Variants in LPAR6 observed in about 807,000 individuals in gnomAD.
LPAR6 encodes the protein lysophosphatidic acid receptor 6.
A neutral mutation model predicts 22.0 loss-of-function variants in LPAR6; 17 were observed. The observed-to-expected ratio is 0.77, with a 90% CI of 0.53 to 1.16. LPAR6 has a LOEUF of 1.16. Ranked by LOEUF, LPAR6 falls within the 50% of genes most tolerant of loss-of-function variation. The pLI is 0.00. For synonymous variants in LPAR6, 136 were observed against 139.8 expected, an observed-to-expected ratio of 0.97 and a Z score of 0.19; for missense variants, 384 against 406.9, an observed-to-expected ratio of 0.94 and a Z score of 0.48.
chr13:48,393,459 A>T (rs1172995154), intron 1 of LPAR6, among the ~76,000 whole-genome samples: 2 of 152,072 alleles, frequency 1.3e-5, no homozygotes, highest in Non-Finnish European at 1.5e-5. Context: ...TCTCCCAGGG[A>T]TTGCTGTTCT....
At chr13:48,405,441 A>G (rs1441049133) in intron 1 of LPAR6, among the ~76,000 whole-genome samples, 1 of 152,176 alleles carries the variant, frequency 6.6e-6, no homozygotes, top group Non-Finnish European at 1.5e-5. Flanking sequence ...AAAATAAATG[A>G]AGTTCTAGGG....
chr13:48,402,517 A>G (rs911320762), intron 1 of LPAR6, among the ~76,000 whole-genome samples: 1 of 151,828 alleles, frequency 6.6e-6, no homozygotes, highest in African/African-American at 2.4e-5. Context: ...AGATGTGACT[A>G]CAGGTGTGAG....
chr13:48,436,949 C>CAGTTAAG (rs1299769067), intron 1 of LPAR6, among the ~76,000 whole-genome samples: 2 of 152,170 alleles, frequency 1.3e-5, no homozygotes, highest in Non-Finnish European at 2.9e-5. Flanking sequence ...TCTACTAGCA[C>CAGTTAAG]TACTGACTTG....
At chr13:48,393,853 T>C (rs2138164975) in intron 1 of LPAR6, among the ~76,000 whole-genome samples, 1 of 152,332 alleles carries the variant, frequency 6.6e-6, no homozygotes, top group Non-Finnish European at 1.5e-5. Context: ...TTGGATTCTG[T>C]CATACTCTTT....
intron 1 of LPAR6, among the ~76,000 whole-genome samples, chr13:48,397,197 A>G (rs893381746): frequency 6.6e-6 from 1 of 152,246 alleles, no homozygotes; most frequent in African/African-American, 2.4e-5. Flanking sequence ...ATGCACACAT[A>G]TGTTTATTGC....
At chr13:48,429,540 A>G (rs1282464561), upstream of LPAR6, 2 of 152,212 alleles carry the variant, frequency 1.3e-5, no homozygotes, top group South Asian at 2.1e-4. Flanking sequence ...AGTGAAAATC[A>G]TAAACCCACA....
chr13:48,404,107 C>T (rs1047241031), intron 1 of LPAR6: 1 of 152,142 alleles, frequency 6.6e-6, no homozygotes, highest in African/African-American at 2.4e-5. Flanking sequence ...AGGCTGAAGC[C>T]CCATGCTGTT....
intron 1 of LPAR6, among the ~76,000 whole-genome samples, chr13:48,400,406 G>A (rs1315195761): frequency 6.6e-6 from 1 of 152,162 alleles, no homozygotes; most frequent in Non-Finnish European, 1.5e-5. Context: ...TGGTTCCAGA[G>A]ACTATACTTT....
intron 1 of LPAR6, among the ~76,000 whole-genome samples, chr13:48,443,863 C>G (rs994930627): frequency 6.6e-6 from 1 of 152,108 alleles, no homozygotes; most frequent in Non-Finnish European, 1.5e-5. Context: ...TGATGACATG[C>G]TATTGCTGAA....
At chr13:48,405,617 C>T (rs1566208223) in intron 1 of LPAR6, among the ~76,000 whole-genome samples, 1 of 152,130 alleles carries the variant, frequency 6.6e-6, no homozygotes, top group Non-Finnish European at 1.5e-5. Flanking sequence ...AAGTTGCAGC[C>T]AGAAAGTAGA....
intron 1 of LPAR6, among the ~76,000 whole-genome samples, chr13:48,392,141 C>T (rs902087499): frequency 1.3e-5 from 2 of 151,822 alleles, no homozygotes; most frequent in South Asian, 2.1e-4. Flanking sequence ...GATGAAGCCT[C>T]GCTCTTTTGC....
At chr13:48,428,973 C>T (rs1267852134), upstream of LPAR6, among the ~76,000 whole-genome samples, 1 of 152,208 alleles carries the variant, frequency 6.6e-6, no homozygotes, top group African/African-American at 2.4e-5. Context: ...TCTCAGGATG[C>T]TCCTGGAAGC....
chr13:48,425,880 A>G (rs1949072294), intron 1 of LPAR6, among the ~76,000 whole-genome samples: 1 of 152,238 alleles, frequency 6.6e-6, no homozygotes. Context: ...ACAGACCAAG[A>G]AACTAAAATT....
At chr13:48,408,956 A>G (rs1948764051), downstream of LPAR6, among the ~76,000 whole-genome samples, 1 of 152,140 alleles carries the variant, frequency 6.6e-6, no homozygotes. Context: ...CCCCCAGATC[A>G]GTAGATTGGT....
At chr13:48,443,778 C>A (rs1055641349) in intron 1 of LPAR6, among the ~76,000 whole-genome samples, 1 of 152,112 alleles carries the variant, frequency 6.6e-6, no homozygotes, top group Non-Finnish European at 1.5e-5. Context: ...TGCTTTTAGA[C>A]CTGGCTATGT....
At chr13:48,433,937 T>C (rs1949157288) in intron 1 of LPAR6, among the ~76,000 whole-genome samples, 1 of 151,868 alleles carries the variant, frequency 6.6e-6, no homozygotes, top group South Asian at 2.1e-4. Context: ...TTGCCCAGGC[T>C]GGTCTTGAAC....
upstream of LPAR6, among the ~76,000 whole-genome samples, chr13:48,417,014 C>T (rs1049730411): frequency 1.7e-4 from 26 of 152,194 alleles, no homozygotes; most frequent in African/African-American, 5.1e-4. Flanking sequence ...CAGACTTAAA[C>T]GTTCCTGCCT....
At chr13:48,442,885 T>A (rs999547819) in intron 1 of LPAR6, among the ~76,000 whole-genome samples, 3 of 152,082 alleles carry the variant, frequency 2.0e-5, no homozygotes, top group African/African-American at 2.4e-5. Flanking sequence ...TTTAAATATT[T>A]AAAAAAATAC....
chr13:48,390,958 A>T (rs1407795571), intron 1 of LPAR6, among the ~76,000 whole-genome samples: 3 of 152,144 alleles, frequency 2.0e-5, no homozygotes, highest in Non-Finnish European at 4.4e-5. Flanking sequence ...TTTAAATTTA[A>T]TGTGACTATT....
Sources: gnomAD v4.1 joint callset for allele counts (sites outside exome capture counted in the v4.1 genomes callset) on GRCh38, gnomAD v4.1.1 for gene constraint, MANE v1.5 for transcripts, NCBI Gene and HGNC (gene_info 2026-07-23, HGNC 2026-07-21) for gene names.